M1AP: variants seen among roughly 807,000 people sequenced by gnomAD.
M1AP encodes meiosis 1 arrest protein.
In M1AP, 39 loss-of-function variants were observed where a neutral mutation model predicts 51.2. The observed-to-expected ratio is 0.76, with a 90% CI of 0.59 to 1.00. The LOEUF is 1.00. Among genes scored for constraint, M1AP ranks in the 50% least tolerant of loss-of-function variants. M1AP has a pLI of 0.00. For synonymous variants in M1AP, 251 were observed against 249.2 expected (o/e 1.01, Z -0.07); for missense variants, 545 against 641.2 (o/e 0.85, Z 1.62).
intron 2 of M1AP, among the ~76,000 whole-genome samples, chr2:74,637,028 G>C (rs904568258): frequency 3.2e-4 from 49 of 152,264 alleles, no homozygotes; most frequent in African/African-American, 1.2e-3. Flanking sequence ...TTTTTTAAAA[G>C]TATTTTTTCT....
Position 74,560,286 on chromosome 2 carries a change from C to G in M1AP, c.1287G>C (p.Met429Ile), listed in dbSNP as rs1677828356. Reference sequence around the variant, plus strand: ...TGGGCTCCAGCTCCAGGCTGTCCAGCATGCTCTGAGGAAAAGAGAGGAGGG... The same window carrying G: ...TGGGCTCCAGCTCCAGGCTGTCCAGGATGCTCTGAGGAAAAGAGAGGAGGG... ...HDDSLKNVESMLDSLELEPTY... is the reference protein window; with the variant it reads ...HDDSLKNVESILDSLELEPTY... The change falls in exon 9 of 11, where the codon ATG becomes ATC. Residue 429 changes from methionine (M) to isoleucine (I), a missense_variant. Coordinates refer to ENST00000421985, the MANE Select transcript of M1AP (RefSeq NM_001321739.2). The G allele has an allele frequency of 6.3e-7, 1 of 1,598,466 alleles. No individual in the cohort carries two copies. The highest frequency in any genetic ancestry group is 8.5e-7 in the Non-Finnish European group (1 of 1,173,490).
At chr2:74,614,877 A>G in intron 3 of M1AP, 87 bp downstream of exon 3, 1 of 1,242,446 alleles carries the variant, frequency 8.0e-7, no homozygotes, top group Non-Finnish European at 1.2e-6. Flanking sequence ...TGAATGAAAG[A>G]TAGAACAATG....
At chr2:74,582,422 A>T (rs746714362) in intron 4 of M1AP, among the ~76,000 whole-genome samples, 2 of 152,212 alleles carry the variant, frequency 1.3e-5, no homozygotes, top group Non-Finnish European at 2.9e-5. Flanking sequence ...ATTATGACAC[A>T]CTCAAACTAT....
intron 4 of M1AP, among the ~76,000 whole-genome samples, chr2:74,600,462 G>A (rs1680612727): frequency 1.3e-5 from 2 of 152,142 alleles, no homozygotes; most frequent in African/African-American, 4.8e-5. Flanking sequence ...GGTTAACATT[G>A]GTTGCTAGAA....
At chr2:74,610,821 T>C (rs572213101) in intron 3 of M1AP, among the ~76,000 whole-genome samples, 5 of 152,364 alleles carry the variant, frequency 3.3e-5, no homozygotes, top group South Asian at 4.1e-4. Context: ...GTTTGTCATA[T>C]ATGGTCTTCA....
intron 3 of M1AP, among the ~76,000 whole-genome samples, chr2:74,608,229 C>A (rs1681130465): frequency 6.6e-6 from 1 of 152,180 alleles, no homozygotes; most frequent in African/African-American, 2.4e-5. Context: ...ATCCTCTCTG[C>A]TCTATCTATT....
chr2:74,620,734 T>C (rs1368659261), intron 2 of M1AP: 2 of 214,450 alleles, frequency 9.3e-6, no homozygotes, highest in South Asian at 8.8e-5. Flanking sequence ...TTAGTACAAA[T>C]AGGTGGAGAG....
intron 8 of M1AP, chr2:74,561,791 G>A (rs1005525834): frequency 1.5e-6 from 1 of 656,924 alleles, no homozygotes; most frequent in Non-Finnish European, 1.9e-6. Context: ...ACCTGCTGGT[G>A]TTGTGGCTTC....
intron 8 of M1AP, among the ~76,000 whole-genome samples, chr2:74,561,232 A>AGGAGG: frequency 2.9e-5 from 1 of 34,230 alleles, no homozygotes; most frequent in Non-Finnish European, 7.1e-5. Flanking sequence ...GGAGGAGGAG[A>AGGAGG]AGGAGGAGGA....
At chr2:74,594,847 C>A (rs185916858) in intron 4 of M1AP, among the ~76,000 whole-genome samples, 131 of 152,106 alleles carry the variant, frequency 8.6e-4, no homozygotes, top group Admixed American at 2.5e-3. Flanking sequence ...CTACAGCACT[C>A]CAGCCTGAGT....
chr2:74,591,405 GTCT>G (rs1466572083), intron 4 of M1AP, among the ~76,000 whole-genome samples: 2 of 152,152 alleles, frequency 1.3e-5, no homozygotes, highest in Admixed American at 6.5e-5. Context: ...TATTTTAAAA[GTCT>G]TCTTTTTCTA....
At chr2:74,560,440 G>T in intron 8 of M1AP, 149 bp from the exon 9 acceptor site, 1 of 804,612 alleles carries the variant, frequency 1.2e-6, no homozygotes, top group Admixed American at 3.2e-5. Flanking sequence ...TGTCCCCCTG[G>T]GTGTTCTGGC....
At position 74,642,127 on chromosome 2, in the gene M1AP, GCCT is replaced by G. The variant is rs1406154853; in HGVS notation, c.-52-1803_-52-1801del. On this transcript the variant is annotated intron_variant, in intron 1 of 10. Transcript: ENST00000421985. Reference sequence around the variant, plus strand: ...TTACAGGCGTGAGCCACGGCACCTGGCCTCCTCAATTAATTTTACGAGGTTAGC... The same window carrying G: ...TTACAGGCGTGAGCCACGGCACCTGGCCTCAATTAATTTTACGAGGTTAGC... 3.3e-5 allele frequency among the ~76,000 whole-genome samples: 5 copies of G among 152,230 alleles called. No individual in the cohort carries two copies. In the East Asian group the frequency reaches 7.7e-4, roughly 23 times the overall value.
rs532428320 is a variant in M1AP at position 74,627,769 on chromosome 2, C to T, written c.240+12267G>A. On this transcript the variant is annotated intron_variant, in intron 2 of 10. Transcript: ENST00000421985. ...TAGAAACTAGTTAATACCACTAGCCCTAATTTGGTTTTCACTTGCTTGCAT... is the reference window on the plus strand; with the variant it reads ...TAGAAACTAGTTAATACCACTAGCCTTAATTTGGTTTTCACTTGCTTGCAT... 5.6e-4 allele frequency among the ~76,000 whole-genome samples: 85 copies of T among 152,210 alleles called. 2 individuals carry two copies. The Middle Eastern group carries it at 0.01, about 18-fold the overall frequency.
chr2:74,591,042 G>A (rs529189951), intron 4 of M1AP, among the ~76,000 whole-genome samples: 27 of 152,298 alleles, frequency 1.8e-4, no homozygotes, highest in African/African-American at 6.3e-4. Context: ...CCTAGGCTAA[G>A]GGTTTACTTG....
chr2:74,618,392 C>A (rs1452167175), intron 2 of M1AP, among the ~76,000 whole-genome samples: 1 of 152,130 alleles, frequency 6.6e-6, no homozygotes. Flanking sequence ...GTCAGTGAAC[C>A]CTCTCTGTGT....
intron 1 of M1AP, 179 bp downstream of exon 1, chr2:74,648,086 T>C: frequency 3.0e-6 from 3 of 985,394 alleles, no homozygotes; most frequent in Non-Finnish European, 3.6e-6. Context: ...GAGGGATGAC[T>C]CCGACAGCGA....
At chr2:74,559,008 G>A in intron 10 of M1AP, 134 bp from the exon 11 acceptor site, 1 of 822,686 alleles carries the variant, frequency 1.2e-6, no homozygotes, top group Admixed American at 3.7e-5. Flanking sequence ...GCCGAGGACA[G>A]TGATCTGGAG....
Position 74,615,007 on chromosome 2 carries a change from C to T in M1AP, c.383G>A (p.Arg128Lys), listed in dbSNP as rs1015820213. The stretch of plus-strand genomic sequence containing the variant: ...CAGAGCTGCCCTTGTGGTCACATGT[C>T]TGCTGTATTGTTTGAATTGCTGGAG... ...DGLQQFKQYS[R>K]HVTTRAALTY... Residue 128 changes from arginine to lysine, a missense_variant, in exon 3 of 11, where the codon AGA (arginine) becomes AAA (lysine). Transcript: ENST00000421985. The T allele has an allele frequency of 7.4e-6, 12 of 1,614,082 alleles. No individual in the cohort carries two copies. Among genetic ancestry groups the T allele is most frequent in the Non-Finnish European group, 1.0e-5 (12 of 1,180,036 alleles).
Sources: gnomAD v4.1 joint callset for allele counts (sites outside exome capture counted in the v4.1 genomes callset) on GRCh38, gnomAD v4.1.1 for gene constraint, MANE v1.5 for transcripts, NCBI Gene and HGNC (gene_info 2026-07-23, HGNC 2026-07-21) for gene names.